The following POC1A variants were observed in gnomAD, a reference collection of about 807,000 sequenced individuals.
POC1A encodes POC1 centriolar protein homolog A.
In POC1A, 34 loss-of-function variants were observed where a neutral mutation model predicts 47.8. That is an observed-to-expected ratio of 0.71 (90% confidence interval 0.54 to 0.95). The LOEUF is 0.95. Ranked by LOEUF, POC1A falls within the 40% of genes least tolerant of loss-of-function variation. POC1A has a pLI of 0.00. For missense variants in POC1A, 466 were observed against 528.3 expected (o/e 0.88, Z 1.16); for synonymous variants, 177 against 207.6 (o/e 0.85, Z 1.27).
intron 9 of POC1A, among the ~76,000 whole-genome samples, chr3:52,117,377 A>G (rs1703606035): frequency 6.6e-6 from 1 of 152,146 alleles, no homozygotes; most frequent in South Asian, 2.1e-4. Flanking sequence ...AAGCTTGATG[A>G]GCACTTGTCA....
chr3:52,122,272 A>C, intron 9 of POC1A, 107 bp downstream of exon 9: 1 of 655,928 alleles, frequency 1.5e-6, no homozygotes. Context: ...CCCTTTCCCG[A>C]GACAGGCCTA....
At position 52,149,944 on chromosome 3, in the gene POC1A, C is replaced by T; in HGVS notation, c.147G>A (p.Lys49=). The stretch of plus-strand genomic sequence containing the variant: ...TGAAGCGGTAGGCGCGTGACTGCGG[C>T]TTCATGTGCCAGACCATGAGGCATG... The part of the protein sequence containing the change: ...MDSCLMVWHM[K]PQSRAYRFTG... The change falls in exon 3 of 11, where the codon AAG becomes AAA. Residue 49 remains lysine (K), a synonymous_variant. Transcript: ENST00000296484. 1 of 1,613,818 alleles carries T rather than the reference C, an allele frequency of 6.2e-7. No homozygotes were observed. Among genetic ancestry groups the T allele is most frequent in the Non-Finnish European group, 8.5e-7 (1 of 1,180,014 alleles).
rs74348622 is a variant in POC1A, at chr3:52,082,304, C to T, written c.1126-6319G>A. On this transcript the variant is annotated intron_variant, in intron 10 of 10. Transcript: ENST00000296484. ...AGGGTGATGTCAGCGATGGGCTGAA[C>T]GTCCTGGAAAGCTCCTTGGTGGGGA... Among the ~76,000 whole-genome samples, 232 of 152,276 alleles carry T rather than the reference C, an allele frequency of 1.5e-3. 2 individuals carry two copies. Among genetic ancestry groups the T allele is most frequent in the African/African-American group, 5.2e-3 (214 of 41,550 alleles).
intron 9 of POC1A, among the ~76,000 whole-genome samples, chr3:52,119,172 C>G (rs868657295): frequency 6.6e-6 from 1 of 152,216 alleles, no homozygotes; most frequent in Middle Eastern, 3.4e-3. Context: ...ACACTCAAGG[C>G]TGCTGGAATA....
rs1577919694 is a variant in POC1A at position 52,145,532 on chromosome 3, G to A, written c.679+314C>T. Among the ~76,000 whole-genome samples the A allele has an allele frequency of 3.9e-5, 6 of 152,298 alleles. 1 individual carries two copies. In the South Asian group the frequency reaches 1.2e-3, roughly 32 times the overall value. On this transcript the variant is annotated intron_variant, in intron 6 of 10. Coordinates refer to ENST00000296484, the MANE Select transcript of POC1A (RefSeq NM_015426.5). ...TGCCCCTGAGAAGTGGTCCTCAAGG[G>A]AAGCCCTGACCAGAGCCCCAGTGAG...
At chr3:52,145,335 G>A (rs1283063218) in intron 6 of POC1A, among the ~76,000 whole-genome samples, 1 of 152,226 alleles carries the variant, frequency 6.6e-6, no homozygotes, top group Non-Finnish European at 1.5e-5. Context: ...CCCTAGCTAA[G>A]TCAACCCTCC....
In POC1A at chr3:52,151,037, T is replaced by C. The variant is rs141061033; in HGVS notation, c.82A>G (p.Ser28Gly). 7.4e-5 allele frequency: 120 copies of C among 1,613,780 alleles called. No individual in the cohort carries two copies. The African/African-American group carries it at 1.1e-3, about 14-fold the overall frequency. ...TTACCCAGCTGCTTTGTGTTGATAC[T>C]GAAGTCCACACAGGTAACTGCATCT... Reference protein sequence around the residue: ...HRDAVTCVDFSINTKQLASGS... With the variant: ...HRDAVTCVDFGINTKQLASGS... Residue 28 changes from serine to glycine, a missense_variant, in exon 2 of 11, where the codon AGT becomes GGT. By Grantham distance (56) the Ser-to-Gly change is moderately conservative. Transcript: ENST00000296484.
chr3:52,152,434 G>A (rs1012733182), intron 1 of POC1A, among the ~76,000 whole-genome samples: 19 of 152,100 alleles, frequency 1.2e-4, no homozygotes, highest in Non-Finnish European at 2.8e-4. Context: ...GCTAGGCGTG[G>A]TGGTGGGCGC....
chr3:52,144,018 T>C (rs911220130), intron 6 of POC1A, among the ~76,000 whole-genome samples: 2 of 152,228 alleles, frequency 1.3e-5, no homozygotes, highest in East Asian at 3.9e-4. Flanking sequence ...TGTCAGGACT[T>C]ATGTAGCACA....
At chr3:52,143,494 C>T (rs1006481142) in intron 6 of POC1A, among the ~76,000 whole-genome samples, 6 of 152,146 alleles carry the variant, frequency 3.9e-5, no homozygotes, top group African/African-American at 9.7e-5. Flanking sequence ...TGCTTGGAGA[C>T]GGGGTTCATA....
At chr3:52,081,289 T>C (rs764254786) in intron 10 of POC1A, among the ~76,000 whole-genome samples, 1 of 152,198 alleles carries the variant, frequency 6.6e-6, no homozygotes, top group African/African-American at 2.4e-5. Flanking sequence ...AGAGGCTGTA[T>C]GGTCCACAAA....
At chr3:52,122,066 G>A (rs975290562) in intron 9 of POC1A, among the ~76,000 whole-genome samples, 1 of 152,164 alleles carries the variant, frequency 6.6e-6, no homozygotes, top group Non-Finnish European at 1.5e-5. Flanking sequence ...AGTATGGGAC[G>A]GGTCCCTTGT....
intron 10 of POC1A, among the ~76,000 whole-genome samples, chr3:52,092,414 C>T (rs1224467661): frequency 6.6e-6 from 1 of 152,192 alleles, no homozygotes; most frequent in African/African-American, 2.4e-5. Flanking sequence ...TGGTTGAGAT[C>T]AGGATCACCT....
intron 10 of POC1A, among the ~76,000 whole-genome samples, chr3:52,093,976 C>T (rs561397397): frequency 6.6e-5 from 10 of 152,314 alleles, no homozygotes; most frequent in Admixed American, 5.2e-4. Context: ...TGGCTACGGC[C>T]CGCTGCATCC....
chr3:52,116,522 C>T (rs1206493114), intron 9 of POC1A, among the ~76,000 whole-genome samples: 1 of 152,192 alleles, frequency 6.6e-6, no homozygotes, highest in East Asian at 1.9e-4. Flanking sequence ...TCTGCTCTCT[C>T]ATCTGGGAGC....
intron 9 of POC1A, among the ~76,000 whole-genome samples, chr3:52,109,472 TTTTG>T (rs1186453133): frequency 6.6e-6 from 1 of 152,098 alleles, no homozygotes; most frequent in African/African-American, 2.4e-5. Context: ...TTTTGTTTTG[TTTTG>T]TTTAATTAAA....
intron 9 of POC1A, among the ~76,000 whole-genome samples, chr3:52,101,830 T>C (rs1470333097): frequency 1.3e-5 from 2 of 152,114 alleles, no homozygotes; most frequent in African/African-American, 4.8e-5. Flanking sequence ...TGGTAAAAAA[T>C]TGTCAGCTTT....
intron 7 of POC1A, among the ~76,000 whole-genome samples, chr3:52,136,647 C>A: frequency 6.6e-6 from 1 of 152,206 alleles, no homozygotes; most frequent in East Asian, 1.9e-4. Flanking sequence ...CTATCCACAC[C>A]CCAAACCATC....
chr3:52,125,893 C>T (rs1303689423), intron 7 of POC1A, among the ~76,000 whole-genome samples: 1 of 152,174 alleles, frequency 6.6e-6, no homozygotes, highest in Non-Finnish European at 1.5e-5. Flanking sequence ...GGCTGGAGAG[C>T]AGTCCAGGGC....
Sources: gnomAD v4.1 joint callset for allele counts (sites outside exome capture counted in the v4.1 genomes callset) on GRCh38, gnomAD v4.1.1 for gene constraint, MANE v1.5 for transcripts, NCBI Gene and HGNC (gene_info 2026-07-23, HGNC 2026-07-21) for gene names.